The following SLC36A1 variants were observed in gnomAD, a reference collection of about 807,000 sequenced individuals.
The protein encoded by SLC36A1 is proton-coupled amino acid transporter 1.
Under a neutral mutation model 47.5 loss-of-function variants are expected in SLC36A1, and 30 were observed. The ratio of observed to expected loss-of-function variants is 0.63; its 90% confidence interval spans 0.47 to 0.86. SLC36A1 has a LOEUF of 0.86. SLC36A1 is among the 40% of genes least tolerant of loss of function. The pLI, the probability that SLC36A1 is intolerant of heterozygous loss-of-function variation, is 0.00. For synonymous variants in SLC36A1, 255 were observed against 249.7 expected, an observed-to-expected ratio of 1.02 and a Z score of -0.20; for missense variants, 517 against 606.0, an observed-to-expected ratio of 0.85 and a Z score of 1.54.
the SLC36A1 span, chr5:151,529,244 T>C: frequency 6.2e-7 from 1 of 1,614,036 alleles, no homozygotes; most frequent in Middle Eastern, 1.7e-4. Context: ...CTTGGGGGAA[T>C]TGGGGCCGGT....
the SLC36A1 span, among the ~76,000 whole-genome samples, chr5:151,346,520 C>T: frequency 1.4e-3 from 219 of 152,280 alleles, 1 homozygote; most frequent in African/African-American, 4.9e-3. Context: ...CACTTGAACT[C>T]AGGCCTTCTG....
At chr5:151,358,724 G>A in the SLC36A1 span, among the ~76,000 whole-genome samples, 3 of 151,468 alleles carry the variant, frequency 2.0e-5, no homozygotes, top group Admixed American at 6.6e-5. Context: ...CTGTAATCCC[G>A]GCACTTTGGG....
At chr5:151,373,425 G>A in the SLC36A1 span, among the ~76,000 whole-genome samples, 1 of 152,276 alleles carries the variant, frequency 6.6e-6, no homozygotes, top group Non-Finnish European at 1.5e-5. Flanking sequence ...TTTAGATACA[G>A]AGAAACAGAT....
chr5:151,431,921 A>G, the SLC36A1 span, among the ~76,000 whole-genome samples: 1 of 152,204 alleles, frequency 6.6e-6, no homozygotes, highest in Non-Finnish European at 1.5e-5. Flanking sequence ...GGGCCTTAAT[A>G]AGTTCAGGAG....
the SLC36A1 span, among the ~76,000 whole-genome samples, chr5:151,375,245 A>C: frequency 6.6e-6 from 1 of 152,116 alleles, no homozygotes; most frequent in Admixed American, 6.6e-5. Context: ...ATATGGTGAG[A>C]GATAGGGGGT....
At chr5:151,361,382 T>C in the SLC36A1 span, among the ~76,000 whole-genome samples, 1 of 152,244 alleles carries the variant, frequency 6.6e-6, no homozygotes. Context: ...CGAAACATCT[T>C]ATATTGCTTT....
chr5:151,486,572 C>T (rs1207726213), intron 10 of SLC36A1, among the ~76,000 whole-genome samples: 1 of 152,254 alleles, frequency 6.6e-6, no homozygotes, highest in Non-Finnish European at 1.5e-5. Flanking sequence ...TCGATGTAGA[C>T]ATTGGCTGCC....
At chr5:151,436,275 A>G (rs141553486), upstream of SLC36A1, among the ~76,000 whole-genome samples, 6 of 152,294 alleles carry the variant, frequency 3.9e-5, no homozygotes, top group East Asian at 1.9e-4. Flanking sequence ...ACCACTGTCT[A>G]GATTTTTGTC....
At chr5:151,537,932 G>A in the SLC36A1 span, 7 of 1,614,058 alleles carry the variant, frequency 4.3e-6, no homozygotes, top group Admixed American at 1.7e-5. Context: ...CATGAACCTT[G>A]CCAGTATAGA....
chr5:151,476,581 C>A lies in SLC36A1; in HGVS notation c.823-9C>A, dbSNP rs1450140274. The A allele has an allele frequency of 1.3e-6, 2 of 1,503,826 alleles. No homozygotes were observed. The highest frequency in any genetic ancestry group is 1.8e-6 in the Non-Finnish European group (2 of 1,123,926). The allele number at this position is 1,503,826 out of a possible 1,614,324, so 93.2% of individuals were successfully genotyped here. ...GCACTTTCTCTCCTCTCTCACTACT[C>A]TCTCATAGGTTCTGCCCCTGGAAAA... On this transcript the variant is annotated splice_polypyrimidine_tract_variant and intron_variant, in intron 8 of 10. Coordinates refer to ENST00000243389, the MANE Select transcript of SLC36A1 (RefSeq NM_078483.4).
At chr5:151,362,936 T>A in the SLC36A1 span, among the ~76,000 whole-genome samples, 2 of 152,264 alleles carry the variant, frequency 1.3e-5, no homozygotes, top group African/African-American at 4.8e-5. Context: ...GATCAGTCAC[T>A]GGTTCCTTGC....
rs17111998 is a variant in SLC36A1, at chr5:151,440,278, G to A, written c.-6+3099G>A. 6.2e-3 allele frequency among the ~76,000 whole-genome samples: 951 copies of A among 152,288 alleles called. 7 individuals are homozygous for A. The highest frequency in any genetic ancestry group is 0.011 in the Non-Finnish European group (755 of 68,012). On this transcript the variant is annotated intron_variant, in intron 1 of 8. Transcript: ENST00000429484. ...AAATGCCTCATAGGGCTGCCACGAGGATTGACTCAATCAACAAGAAACTAG... is the reference window on the plus strand; with the variant it reads ...AAATGCCTCATAGGGCTGCCACGAGAATTGACTCAATCAACAAGAAACTAG...
At chr5:151,433,259 T>C (rs1316849150), upstream of SLC36A1, among the ~76,000 whole-genome samples, 3 of 19,818 alleles carry the variant, frequency 1.5e-4, no homozygotes, top group Non-Finnish European at 2.9e-4. Context: ...TATATATATA[T>C]ATATATATTT....
At chr5:151,363,557 C>G in the SLC36A1 span, among the ~76,000 whole-genome samples, 1 of 152,102 alleles carries the variant, frequency 6.6e-6, no homozygotes, top group Admixed American at 6.5e-5. Context: ...TCAACACCAC[C>G]ATTTTGGAAT....
chr5:151,525,898 C>G, the SLC36A1 span: 13 of 1,614,032 alleles, frequency 8.1e-6, no homozygotes, highest in African/African-American at 1.3e-5. Flanking sequence ...GTAGGGGGGG[C>G]CATTCTCTGG....
At chr5:151,520,803 A>G in the SLC36A1 span, among the ~76,000 whole-genome samples, 2 of 152,222 alleles carry the variant, frequency 1.3e-5, no homozygotes. Context: ...CCACCAGACT[A>G]TGGTAATAAT....
the SLC36A1 span, chr5:151,545,209 T>G: frequency 6.2e-7 from 1 of 1,614,184 alleles, no homozygotes; most frequent in Non-Finnish European, 8.5e-7. Context: ...AGCTGCCCAG[T>G]AGACATCCTG....
chr5:151,553,247 G>C, the SLC36A1 span: 1 of 1,614,226 alleles, frequency 6.2e-7, no homozygotes, highest in East Asian at 2.2e-5. Context: ...GGTTCACAGG[G>C]TCCGTCTCCA....
chr5:151,438,428 C>T (rs1473373392), intron 1 of SLC36A1, among the ~76,000 whole-genome samples: 4 of 152,010 alleles, frequency 2.6e-5, no homozygotes, highest in Admixed American at 6.5e-5. Flanking sequence ...GGTGCTCTAG[C>T]TACCTTAGGA....
Sources: gnomAD v4.1 joint callset for allele counts (sites outside exome capture counted in the v4.1 genomes callset) on GRCh38, gnomAD v4.1.1 for gene constraint, MANE v1.5 for transcripts, NCBI Gene and HGNC (gene_info 2026-07-23, HGNC 2026-07-21) for gene names.